Variants in HERC4 observed in about 807,000 individuals in gnomAD.
HERC4 encodes the protein probable E3 ubiquitin-protein ligase HERC4.
In HERC4, 28 loss-of-function variants were observed where a neutral mutation model predicts 124.3. The observed-to-expected ratio is 0.23, with a 90% CI of 0.17 to 0.31. The LOEUF (loss-of-function observed/expected upper bound fraction) is 0.31, where lower values mean the gene tolerates loss of function less well. HERC4 is among the 10% of genes least tolerant of loss of function. HERC4 has a pLI of 1.00. For synonymous variants in HERC4, 407 were observed against 421.5 expected, an observed-to-expected ratio of 0.97 and a Z score of 0.42; for missense variants, 713 against 1,229.3, an observed-to-expected ratio of 0.58 and a Z score of 6.28.
At chr10:68,032,953 C>T (rs2039284681) in intron 6 of HERC4, 84 bp from the exon 7 acceptor site, 1 of 741,864 alleles carries the variant, frequency 1.3e-6, no homozygotes, top group Non-Finnish European at 2.4e-6. Context: ...TTGCCAAGCT[C>T]AGTAGATAGT....
intron 7 of HERC4, among the ~76,000 whole-genome samples, chr10:68,031,827 C>T (rs2039221040): frequency 6.6e-6 from 1 of 152,094 alleles, no homozygotes; most frequent in South Asian, 2.1e-4. Flanking sequence ...GATCTCAACT[C>T]ACTGCAAACT....
chr10:68,060,412 AT>A (rs543983132), intron 3 of HERC4, among the ~76,000 whole-genome samples: 1 of 151,466 alleles, frequency 6.6e-6, no homozygotes, highest in East Asian at 1.9e-4. Flanking sequence ...TAATTTTTGT[AT>A]TTTTTTTAGT....
At chr10:68,033,813 G>A (rs1278618816) in intron 6 of HERC4, 152 bp downstream of exon 6, 6 of 616,426 alleles carry the variant, frequency 9.7e-6, no homozygotes, top group South Asian at 9.1e-5. Flanking sequence ...TCTTCCCACT[G>A]CATTCCCCAA....
At chr10:67,990,864 C>T (rs189816883) in intron 13 of HERC4, 40 bp downstream of exon 13, 6 of 1,327,234 alleles carry the variant, frequency 4.5e-6, no homozygotes, top group Admixed American at 2.0e-5. Flanking sequence ...AAAACAAAAT[C>T]AACAGATAAT....
intron 3 of HERC4, among the ~76,000 whole-genome samples, chr10:68,072,488 C>T (rs1305838156): frequency 6.6e-6 from 1 of 151,938 alleles, no homozygotes; most frequent in Non-Finnish European, 1.5e-5. Flanking sequence ...AAAAAGCTTC[C>T]GTCTTGTTTT....
rs1189962501 is a variant in HERC4, at chr10:68,059,846, AT to A, written c.226+13036del. Among the ~76,000 whole-genome samples, 23 of 85,148 alleles carry A rather than the reference AT, an allele frequency of 2.7e-4. 3 individuals are homozygous for A. Among genetic ancestry groups the A allele is most frequent in the African/African-American group, 1.2e-3 (23 of 18,434 alleles). The allele number at this position is 85,148 out of a possible 152,430, so 55.9% of individuals were successfully genotyped here. On this transcript the variant is annotated intron_variant, in intron 3 of 24. Coordinates refer to ENST00000373700, the MANE Select transcript of HERC4 (RefSeq NM_015601.4). Reference sequence around the variant, plus strand: ...ATCATAATATTATATATTATAATATATTATATATCATAATATTATATATTAT... The same window carrying A: ...ATCATAATATTATATATTATAATATATATATATCATAATATTATATATTAT...
intron 23 of HERC4, 24 bp downstream of exon 23, chr10:67,932,572 AT>A (rs1185146719): frequency 6.4e-7 from 1 of 1,571,092 alleles, no homozygotes; most frequent in Non-Finnish European, 8.6e-7. Context: ...CCATTTAACA[AT>A]ATCAGAGATT....
chr10:68,039,627 T>C (rs2039660898), intron 4 of HERC4: 4 of 1,380,218 alleles, frequency 2.9e-6, no homozygotes, highest in South Asian at 3.7e-5. Flanking sequence ...TTTAGCAGAA[T>C]CCAACAAATT....
At chr10:68,043,867 A>C (rs1306216475) in intron 4 of HERC4, among the ~76,000 whole-genome samples, 1 of 152,200 alleles carries the variant, frequency 6.6e-6, no homozygotes, top group African/African-American at 2.4e-5. Context: ...TGTAAGACTA[A>C]AACATTGATG....
At chr10:68,069,310 A>G (rs1355713575) in intron 3 of HERC4, 3 of 975,570 alleles carry the variant, frequency 3.1e-6, no homozygotes, top group Non-Finnish European at 3.7e-6. Context: ...ATTAGCTTAA[A>G]AAGTATTTTA....
chr10:67,995,103 A>G (rs767729246), intron 9 of HERC4: 3 of 326,476 alleles, frequency 9.2e-6, no homozygotes, highest in Non-Finnish European at 1.8e-5. Context: ...TTCTCCTAAC[A>G]TTTGGCTTGG....
chr10:68,067,526 C>A (rs1170071175), intron 3 of HERC4, among the ~76,000 whole-genome samples: 1 of 152,070 alleles, frequency 6.6e-6, no homozygotes, highest in Non-Finnish European at 1.5e-5. Context: ...TTTAACCCAC[C>A]CTTAAGTGAG....
chr10:67,926,566 G>C (rs879339029), intron 23 of HERC4, among the ~76,000 whole-genome samples: 3 of 152,116 alleles, frequency 2.0e-5, no homozygotes, highest in Non-Finnish European at 4.4e-5. Flanking sequence ...TGGACATACT[G>C]TTCCCTCAGC....
chr10:67,991,328 A>G (rs2132769515), intron 11 of HERC4, 129 bp from the exon 12 acceptor site: 2 of 441,184 alleles, frequency 4.5e-6, no homozygotes, highest in Admixed American at 4.0e-5. Context: ...CTAACACCCA[A>G]TTAGATGAAT....
At chr10:68,061,813 G>A (rs1322579020) in intron 3 of HERC4, among the ~76,000 whole-genome samples, 5 of 146,134 alleles carry the variant, frequency 3.4e-5, no homozygotes, top group African/African-American at 5.1e-5. Context: ...CCTTGGAGGC[G>A]GAGGTTGCAG....
intron 6 of HERC4, 32 bp from the exon 7 acceptor site, chr10:68,032,901 T>C: frequency 8.6e-7 from 1 of 1,165,628 alleles, no homozygotes; most frequent in South Asian, 1.2e-5. Context: ...GTTAATAGTA[T>C]TTTAAAAATC....
intron 4 of HERC4, among the ~76,000 whole-genome samples, chr10:68,042,737 T>G (rs1208439082): frequency 1.3e-5 from 2 of 152,194 alleles, no homozygotes; most frequent in African/African-American, 4.8e-5. Context: ...GAAAAAGCCT[T>G]ACATCTGAAA....
At chr10:67,942,763 G>A (rs1417060525) in intron 19 of HERC4, among the ~76,000 whole-genome samples, 2 of 152,034 alleles carry the variant, frequency 1.3e-5, no homozygotes, top group African/African-American at 2.4e-5. Flanking sequence ...CACCCGCCTC[G>A]GCCTCCCAAA....
intron 5 of HERC4, among the ~76,000 whole-genome samples, chr10:68,037,883 C>T (rs975009696): frequency 2.6e-5 from 4 of 151,942 alleles, no homozygotes; most frequent in African/African-American, 9.7e-5. Flanking sequence ...ACAACAAAAT[C>T]CCAAATTCCT....
Sources: allele counts gnomAD v4.1 joint callset (sites outside exome capture counted in the v4.1 genomes callset), GRCh38; gene constraint gnomAD v4.1.1; transcripts MANE v1.5; gene names NCBI Gene and HGNC (gene_info 2026-07-23, HGNC 2026-07-21).